Variants in RPAP1 observed in about 807,000 individuals in gnomAD.
RPAP1 encodes the protein RNA polymerase II associated protein 1.
Under a neutral mutation model 142.4 loss-of-function variants are expected in RPAP1, and 109 were observed. The observed-to-expected ratio is 0.77, with a 90% CI of 0.66 to 0.90. The LOEUF is 0.90. Among genes scored for constraint, RPAP1 ranks in the 40% least tolerant of loss-of-function variants. The probability of loss-of-function intolerance (pLI) is 0.00; values close to 1 mark genes in which losing one functional copy is unlikely to be tolerated. For missense variants in RPAP1, 1,546 were observed against 1,751.7 expected (o/e 0.88, Z 2.10); for synonymous variants, 704 against 738.9 (o/e 0.95, Z 0.77).
At position 41,537,118 on chromosome 15, in the gene RPAP1, G is replaced by A. The variant is rs61731588; in HGVS notation, c.8C>T (p.Ser3Leu). The A allele has an allele frequency of 2.4e-3, 3,843 of 1,613,720 alleles. 105 individuals are homozygous for A. The African/African-American group carries it at 0.047, about 20-fold the overall frequency. The change falls in exon 2 of 25, where the codon TCG becomes TTG. Residue 3 changes from serine to leucine, a missense_variant. Physicochemically the swap from Ser to Leu is moderately radical, Grantham distance 145 (BLOSUM62 -2). Around this residue, in one of 3 missense-constraint regions of RPAP1, gnomAD observed 1,333 missense variants for 1,486.6 expected, o/e 0.90. Transcript: ENST00000304330. ...CTCGGACTCCCCTGGCTTCGGTCTC[G>A]ACAGCATCTTGCTGCTCCAGCTGCC... ML[S>L]RPKPGESEVD...
In RPAP1 at chr15:41,518,082, C is replaced by T. The variant is rs764575533; in HGVS notation, c.3896G>A (p.Arg1299His). The change falls in exon 23 of 25, where the codon CGT becomes CAT. Residue 1299 changes from arginine to histidine, a missense_variant. This residue lies in a region of RPAP1 where 210 missense variants were observed against 248.0 expected (regional missense o/e 0.85). Coordinates refer to ENST00000304330, the MANE Select transcript of RPAP1 (RefSeq NM_015540.4). ...CACAGCATAGAGCACGGGGCACCAA[C>T]GTGGGCGGAGCGCACCAGTAACCAG... The part of the protein sequence containing the change: ...RTLVTGALRP[R>H]WCPVLYAVAV... 114 of 1,611,670 alleles carry T rather than the reference C, an allele frequency of 7.1e-5. 2 individuals carry two copies. Among genetic ancestry groups the T allele is most frequent in the South Asian group, 3.1e-4 (28 of 90,694 alleles).
chr15:41,528,131 C>T (rs1443985693), intron 10 of RPAP1, 104 bp from the exon 11 acceptor site: 2 of 1,521,788 alleles, frequency 1.3e-6, no homozygotes, highest in Non-Finnish European at 1.8e-6. Flanking sequence ...GTTAAAAGCA[C>T]ATAGCTGGCT....
intron 6 of RPAP1, among the ~76,000 whole-genome samples, chr15:41,531,600 C>CAT (rs779055706): frequency 1.8e-3 from 119 of 67,618 alleles, no homozygotes; most frequent in African/African-American, 5.8e-3. Flanking sequence ...TGCACACACA[C>CAT]ATATATATAT....
At position 41,536,153 on chromosome 15, in the gene RPAP1, C is replaced by T; in HGVS notation, c.396G>A (p.Val132=). The change falls in exon 4 of 25, where the codon GTG becomes GTA. Residue 132 remains valine, a synonymous_variant. Transcript: ENST00000304330. ...PVPSGVAFPA[V]FLRSRDTQGK... is the part of the protein sequence containing the mutation. ...CCTGTGTGTCCCGCGAGCGAAGGAA[C>T]ACAGCAGGGAAAGCAACACCACTGG... 2 of 1,614,102 alleles carry T rather than the reference C, an allele frequency of 1.2e-6. No homozygotes were observed. The highest frequency in any genetic ancestry group is 2.2e-5 in the South Asian group (2 of 91,072).
chr15:41,528,350 A>G lies in RPAP1; in HGVS notation c.1159-14T>C. 2 of 1,556,242 alleles carry G rather than the reference A, an allele frequency of 1.3e-6. No homozygotes were observed. The highest frequency in any genetic ancestry group is 1.7e-6 in the Non-Finnish European group (2 of 1,144,268). ...ATACCCCGCTCTCTGGGGCAGGGAC[A>G]AGAAGTCAGAAGCAGCCAGGATACA... On this transcript the variant is annotated splice_polypyrimidine_tract_variant and intron_variant, in intron 9 of 24. Coordinates refer to ENST00000304330, the MANE Select transcript of RPAP1 (RefSeq NM_015540.4).
intron 1 of RPAP1, among the ~76,000 whole-genome samples, chr15:41,542,765 T>C (rs781649764): frequency 2.5e-4 from 38 of 152,260 alleles, no homozygotes; most frequent in Middle Eastern, 3.4e-3. Context: ...TGTAAGAAGA[T>C]TAGAACAGAG....
chr15:41,525,168 G>C lies in RPAP1; in HGVS notation c.1918-20C>G, dbSNP rs1329621533. The C allele has an allele frequency of 6.3e-7, 1 of 1,590,786 alleles. No individual in the cohort carries two copies. Among genetic ancestry groups the C allele is most frequent in the Non-Finnish European group, 8.6e-7 (1 of 1,168,656 alleles). Reference sequence around the variant, plus strand: ...GCTCAACTGGAAATGGGCACAGTCTGAGGATCAGGGTCAGCTGTGAGTCTC... The same window carrying C: ...GCTCAACTGGAAATGGGCACAGTCTCAGGATCAGGGTCAGCTGTGAGTCTC... On this transcript the variant is annotated intron_variant, in intron 14 of 24. Transcript: ENST00000304330.
Position 41,535,552 on chromosome 15 carries a change from TG to T in RPAP1, c.500del (p.Pro167HisfsTer17). 6.2e-7 allele frequency: 1 copy of T among 1,613,760 alleles called. No individual in the cohort carries two copies. The highest frequency in any genetic ancestry group is 8.5e-7 in the Non-Finnish European group (1 of 1,179,892). The stretch of plus-strand genomic sequence containing the variant: ...CGTTGGGCACAACTTCCCCAACTGA[TG>T]GGCCCTTGGCTTCAGCTATCCTCCT... ...AARRIAEAKGPSVGEVVPNVG... is the reference protein window; with the variant it reads ...AARRIAEAKGXSVGEVVPNVG... On this transcript the variant is annotated frameshift_variant, in exon 5 of 25. Transcript: ENST00000304330. LOFTEE classifies it high-confidence loss of function.
chr15:41,534,779 G>C lies in RPAP1; in HGVS notation c.698C>G (p.Ala233Gly). 2 of 1,613,980 alleles carry C rather than the reference G, an allele frequency of 1.2e-6. No individual in the cohort carries two copies. Residue 233 changes from alanine (A) to glycine (G), a missense_variant, in exon 6 of 25, where the codon GCA (alanine) becomes GGA (glycine). Ala to Gly is a moderately conservative substitution (Grantham distance 60). This residue lies in a region of RPAP1 where 1,333 missense variants were observed against 1,486.6 expected (regional missense o/e 0.90). Transcript: ENST00000304330. ...CTCAGGAGCCATGGCCTGCAGTCTTGCTATGTTCTCTTCATGGATAGTCTG... is the reference window on the plus strand; with the variant it reads ...CTCAGGAGCCATGGCCTGCAGTCTTCCTATGTTCTCTTCATGGATAGTCTG... Reference protein sequence around the residue: ...EAQTIHEENIARLQAMAPEEI... With the variant: ...EAQTIHEENIGRLQAMAPEEI...
In RPAP1 at chr15:41,528,036, A is replaced by C. The variant is rs1400909696; in HGVS notation, c.1261-9T>G. On this transcript the variant is annotated splice_polypyrimidine_tract_variant and intron_variant, in intron 10 of 24. Coordinates refer to ENST00000304330, the MANE Select transcript of RPAP1 (RefSeq NM_015540.4). ...AACTCACCAGCCTGGGCCTGAGGGC[A>C]GGAGGGTAAAACCTTGCTGAAGATG... 6.2e-7 allele frequency: 1 copy of C among 1,613,358 alleles called. No individual in the cohort carries two copies. The highest frequency in any genetic ancestry group is 1.1e-5 in the South Asian group (1 of 90,908).
intron 21 of RPAP1, 87 bp from the exon 22 acceptor site, chr15:41,521,234 C>T: frequency 7.4e-7 from 1 of 1,348,608 alleles, no homozygotes; most frequent in Non-Finnish European, 1.0e-6. Flanking sequence ...CCTGGAGGCT[C>T]CTAGGTCCAG....
At chr15:41,527,322 C>A (rs1285816335) in intron 12 of RPAP1, 21 bp from the exon 13 acceptor site, 3 of 1,613,968 alleles carry the variant, frequency 1.9e-6, no homozygotes, top group Non-Finnish European at 8.5e-7. Flanking sequence ...GAGAGAGAAA[C>A]CCACTGACAA....
At position 41,536,930 on chromosome 15, in the gene RPAP1, T is replaced by C; in HGVS notation, c.181+15A>G. The stretch of plus-strand genomic sequence containing the variant: ...ACCCTCTCTACTTCTCAGCCTCACA[T>C]CCATGGGAACTCACTGTCCAACATC... On this transcript the variant is annotated intron_variant, in intron 2 of 24. Transcript: ENST00000304330. 6.2e-7 allele frequency: 1 copy of C among 1,610,978 alleles called. No individual in the cohort carries two copies. Among genetic ancestry groups the C allele is most frequent in the African/African-American group, 1.3e-5 (1 of 74,960 alleles).
chr15:41,535,662 T>C (rs1251965529), intron 4 of RPAP1, 30 bp from the exon 5 acceptor site: 2 of 1,605,322 alleles, frequency 1.2e-6, no homozygotes, highest in Admixed American at 1.7e-5. Flanking sequence ...CCCAGGTTAC[T>C]GATGCTCATC....
rs2051774845 is a variant in RPAP1, at chr15:41,524,976, CCT to C, written c.2075+13_2075+14del. 2 of 1,611,872 alleles carry C rather than the reference CCT, an allele frequency of 1.2e-6. No homozygotes were observed. The highest frequency in any genetic ancestry group is 1.7e-6 in the Non-Finnish European group (2 of 1,179,480). Reference sequence around the variant, plus strand: ...GAAGGTGTCTAGGGGGAGCCTACCCCCTGCCTCTCCTCACCTGTAAAGGTAAC... The same window carrying C: ...GAAGGTGTCTAGGGGGAGCCTACCCCGCCTCTCCTCACCTGTAAAGGTAAC... On this transcript the variant is annotated intron_variant, in intron 15 of 24. Coordinates refer to ENST00000304330, the MANE Select transcript of RPAP1 (RefSeq NM_015540.4).
intron 17 of RPAP1, 56 bp downstream of exon 17, chr15:41,523,715 A>G: frequency 7.0e-7 from 1 of 1,437,908 alleles, no homozygotes; most frequent in South Asian, 1.2e-5. Flanking sequence ...AACGGGTGGA[A>G]TGTAGCTGAA....
chr15:41,543,411 C>T (rs1451256487), intron 1 of RPAP1, among the ~76,000 whole-genome samples: 2 of 151,850 alleles, frequency 1.3e-5, no homozygotes, highest in African/African-American at 4.8e-5. Flanking sequence ...CGGGGTTTCA[C>T]CATGTTGGCC....
At chr15:41,530,467 G>C (rs988878152) in intron 7 of RPAP1, among the ~76,000 whole-genome samples, 7 of 152,284 alleles carry the variant, frequency 4.6e-5, no homozygotes, top group Non-Finnish European at 1.0e-4. Context: ...TGCTCAGCTG[G>C]CCTGGAGCTC....
chr15:41,525,660 A>G (rs1358312263), intron 14 of RPAP1, among the ~76,000 whole-genome samples: 1 of 135,836 alleles, frequency 7.4e-6, no homozygotes, highest in East Asian at 2.3e-4. Context: ...TATTTTTATT[A>G]TTATTATTTT....
Sources: gnomAD v4.1 joint callset for allele counts (sites outside exome capture counted in the v4.1 genomes callset) on GRCh38, gnomAD v4.1.1 for gene constraint, gnomAD v4.1.1 regional missense constraint, MANE v1.5 for transcripts, NCBI Gene and HGNC (gene_info 2026-07-23, HGNC 2026-07-21) for gene names.